Variants in SEPTIN11 observed in about 807,000 individuals in gnomAD.
SEPTIN11 encodes the protein septin-11.
A neutral mutation model predicts 51.4 loss-of-function variants in SEPTIN11; 25 were observed. The ratio of observed to expected loss-of-function variants is 0.49; its 90% CI spans 0.35 to 0.68. The LOEUF is 0.68. Among genes scored for constraint, SEPTIN11 ranks in the 30% least tolerant of loss-of-function variants. SEPTIN11 has a pLI of 0.00. For synonymous variants in SEPTIN11, 174 were observed against 184.1 expected, an observed-to-expected ratio of 0.95 and a Z score of 0.44; for missense variants, 381 against 520.8, an observed-to-expected ratio of 0.73 and a Z score of 2.61.
At chr4:77,018,282 C>T (rs1725444264) in intron 5 of SEPTIN11, among the ~76,000 whole-genome samples, 1 of 152,004 alleles carries the variant, frequency 6.6e-6, no homozygotes, top group South Asian at 2.1e-4. Flanking sequence ...AACCCCGTTT[C>T]TACTAAAAAT....
At position 77,036,201 on chromosome 4, in the gene SEPTIN11, C is replaced by T; in HGVS notation, c.*1689C>T. ...AGCCTAAACAAAGCTGGAATAGAAACTACACACTAGACACAGCAGTAGTCA... is the reference window on the plus strand; with the variant it reads ...AGCCTAAACAAAGCTGGAATAGAAATTACACACTAGACACAGCAGTAGTCA... On this transcript the variant is annotated 3_prime_UTR_variant, in exon 10 of 10. Coordinates refer to ENST00000264893, the MANE Select transcript of SEPTIN11 (RefSeq NM_018243.4). 1.0e-6 allele frequency: 1 copy of T among 988,590 alleles called. No homozygotes were observed. The highest frequency in any genetic ancestry group is 1.2e-6 in the Non-Finnish European group (1 of 831,984). The allele number at this position is 988,590 out of a possible 1,614,324, so 61.2% of individuals were successfully genotyped here. A position where few individuals can be genotyped will look rare whatever the true frequency, so the allele number is the denominator to read the frequency against.
intron 1 of SEPTIN11, chr4:76,974,925 C>T: frequency 2.2e-6 from 1 of 450,364 alleles, no homozygotes; most frequent in Non-Finnish European, 4.4e-6. Context: ...GAGTTCAAGA[C>T]CAGCCTGGCC....
intron 1 of SEPTIN11, among the ~76,000 whole-genome samples, chr4:76,983,265 A>G (rs1187972982): frequency 2.0e-5 from 3 of 152,208 alleles, no homozygotes; most frequent in Non-Finnish European, 4.4e-5. Flanking sequence ...TGTGAGAGGG[A>G]CACAGGGAGA....
chr4:77,019,365 C>A, intron 6 of SEPTIN11, 104 bp downstream of exon 6: 1 of 929,208 alleles, frequency 1.1e-6, no homozygotes. Context: ...CAACAGTGGG[C>A]TGGCAGTGGG....
chr4:76,959,062 C>A, intron 1 of SEPTIN11: 1 of 697,824 alleles, frequency 1.4e-6, no homozygotes, highest in South Asian at 1.4e-5. Flanking sequence ...AAGACTTGAT[C>A]ATTTTGCAAG....
intron 7 of SEPTIN11, among the ~76,000 whole-genome samples, chr4:77,023,302 A>AC (rs1553976962): frequency 1.4e-5 from 2 of 143,934 alleles, no homozygotes; most frequent in South Asian, 2.2e-4. Flanking sequence ...ACACACACAC[A>AC]ATATATATAT....
intron 2 of SEPTIN11, among the ~76,000 whole-genome samples, chr4:77,003,284 CTG>C (rs1483544952): frequency 1.3e-5 from 2 of 152,174 alleles, no homozygotes; most frequent in Admixed American, 6.5e-5. Flanking sequence ...GTCTGGTTGT[CTG>C]TGGCCAACTA....
chr4:76,996,650 T>C, intron 2 of SEPTIN11, 111 bp downstream of exon 2: 1 of 818,776 alleles, frequency 1.2e-6, no homozygotes, highest in Non-Finnish European at 2.0e-6. Flanking sequence ...TTCTCTTTCT[T>C]TCATCAGTAA....
At chr4:77,039,162 C>T (rs1187236725), downstream of SEPTIN11, 25 of 1,277,998 alleles carry the variant, frequency 2.0e-5, no homozygotes, top group South Asian at 9.0e-5. Context: ...TCTGTTCACA[C>T]GTGTTGGGGA....
At position 77,030,989 on chromosome 4, in the gene SEPTIN11, C is replaced by A. The variant is rs756677015; in HGVS notation, c.1274+19C>A. On this transcript the variant is annotated intron_variant, in intron 9 of 9. Transcript: ENST00000264893. Reference sequence around the variant, plus strand: ...AGAAAAAGTAAGCAGGTGTCACCCCCCTGTATCGGGGACCTCTAACAATTT... The same window carrying A: ...AGAAAAAGTAAGCAGGTGTCACCCCACTGTATCGGGGACCTCTAACAATTT... 9 of 1,586,934 alleles carry A rather than the reference C, an allele frequency of 5.7e-6. No homozygotes were observed. The highest frequency in any genetic ancestry group is 7.7e-6 in the Non-Finnish European group (9 of 1,173,452).
At chr4:76,953,190 C>T (rs1323450199) in intron 1 of SEPTIN11, among the ~76,000 whole-genome samples, 2 of 152,174 alleles carry the variant, frequency 1.3e-5, no homozygotes, top group Non-Finnish European at 2.9e-5. Flanking sequence ...TCCATTTGCT[C>T]ATTTAACACC....
chr4:76,990,073 G>T (rs1723277933), intron 1 of SEPTIN11, among the ~76,000 whole-genome samples: 1 of 152,086 alleles, frequency 6.6e-6, no homozygotes. Flanking sequence ...GCCGCTGCTG[G>T]CTTGGGTGGC....
chr4:76,987,597 T>A (rs1252854349), intron 1 of SEPTIN11, among the ~76,000 whole-genome samples: 2 of 152,166 alleles, frequency 1.3e-5, no homozygotes, highest in Non-Finnish European at 2.9e-5. Context: ...CTTCTTTTTT[T>A]AAAAGAGAAT....
In SEPTIN11 at chr4:77,036,576, G is replaced by T; in HGVS notation, c.*2064G>T. Reference sequence around the variant, plus strand: ...GATTATTGATTGGATTGACTTTTTTGCATTAAATTTTTCCCAGCAAAATAA... The same window carrying T: ...GATTATTGATTGGATTGACTTTTTTTCATTAAATTTTTCCCAGCAAAATAA... On this transcript the variant is annotated 3_prime_UTR_variant, in exon 10 of 10. Coordinates refer to ENST00000264893, the MANE Select transcript of SEPTIN11 (RefSeq NM_018243.4). 15 of 1,417,930 alleles carry T rather than the reference G, an allele frequency of 1.1e-5. No individual in the cohort carries two copies. The highest frequency in any genetic ancestry group is 1.4e-5 in the Non-Finnish European group (15 of 1,093,860). 87.8% of individuals were successfully genotyped at this position (1,417,930 alleles called of 1,614,324 possible).
At chr4:76,995,781 T>C (rs1723671674) in intron 1 of SEPTIN11, 2 of 1,518,954 alleles carry the variant, frequency 1.3e-6, no homozygotes, top group Non-Finnish European at 1.8e-6. Flanking sequence ...CTTACCCTAG[T>C]CTACATCGGT....
At chr4:76,999,285 C>CTT (rs887079228) in intron 2 of SEPTIN11, among the ~76,000 whole-genome samples, 2 of 152,100 alleles carry the variant, frequency 1.3e-5, no homozygotes. Context: ...AGCATAATAT[C>CTT]TTTATAAGAA....
At chr4:76,954,643 GA>G (rs1229527552) in intron 1 of SEPTIN11, among the ~76,000 whole-genome samples, 1 of 152,208 alleles carries the variant, frequency 6.6e-6, no homozygotes, top group Non-Finnish European at 1.5e-5. Context: ...GATCTAAAAT[GA>G]AATTCACATT....
chr4:76,981,825 G>A (rs1722783797), intron 1 of SEPTIN11, among the ~76,000 whole-genome samples: 1 of 151,640 alleles, frequency 6.6e-6, no homozygotes, highest in Non-Finnish European at 1.5e-5. Flanking sequence ...GGTAATCTGG[G>A]TTAAAACCTT....
chr4:77,010,231 C>T (rs1305062645), intron 3 of SEPTIN11, among the ~76,000 whole-genome samples: 1 of 152,150 alleles, frequency 6.6e-6, no homozygotes, highest in African/African-American at 2.4e-5. Context: ...TTGCTTAAGG[C>T]TGTGCAGCTA....
Sources: gnomAD v4.1 joint callset for allele counts (sites outside exome capture counted in the v4.1 genomes callset) on GRCh38, gnomAD v4.1.1 for gene constraint, MANE v1.5 for transcripts, NCBI Gene and HGNC (gene_info 2026-07-23, HGNC 2026-07-21) for gene names.